Variants in TBC1D23 observed in about 807,000 individuals in gnomAD.
The protein encoded by TBC1D23 is TBC1 domain family member 23, also known as HCV non-structural protein 4A-transactivated protein 1.
A neutral mutation model predicts 91.4 loss-of-function variants in TBC1D23; 55 were observed. That is an observed-to-expected ratio of 0.60 (90% CI 0.48 to 0.75). TBC1D23 has a LOEUF of 0.75. Among genes scored for constraint, TBC1D23 ranks in the 30% least tolerant of loss-of-function variants. The pLI, the probability that TBC1D23 is intolerant of heterozygous loss-of-function variation, is 0.00. For missense variants in TBC1D23, 725 were observed against 836.1 expected (o/e 0.87, Z 1.64); for synonymous variants, 289 against 281.0 (o/e 1.03, Z -0.28).
intron 1 of TBC1D23, among the ~76,000 whole-genome samples, chr3:100,278,328 T>C (rs1261175881): frequency 1.3e-5 from 2 of 152,140 alleles, no homozygotes; most frequent in Non-Finnish European, 2.9e-5. Context: ...TAATGTATGC[T>C]GAAATCATAA....
At position 100,310,463 on chromosome 3, in the gene TBC1D23, G is replaced by A. The variant is rs1273541598; in HGVS notation, c.1474G>A (p.Val492Met). ...GMKSLVNKMT[V>M]ALKTKSVNVR... ...GAAATCACTAGTAAATAAAATGACT[G>A]TGGCTTTGAAGACAAAATCCGTTAA... Residue 492 changes from valine (V) to methionine (M), a missense_variant, in exon 14 of 19, where the codon GTG becomes ATG. By Grantham distance (21) the Val-to-Met change is conservative. Transcript: ENST00000394144. 2.5e-6 allele frequency: 4 copies of A among 1,613,368 alleles called. No individual in the cohort carries two copies. The South Asian group carries it at 3.3e-5, about 13-fold the overall frequency.
intron 1 of TBC1D23, among the ~76,000 whole-genome samples, chr3:100,278,386 ATTTT>A (rs199688288): frequency 7.1e-6 from 1 of 141,470 alleles, no homozygotes; most frequent in Non-Finnish European, 1.6e-5. Context: ...GAATTGATTG[ATTTT>A]TTTTTTTTTT....
chr3:100,300,832 A>G (rs1158027316), intron 10 of TBC1D23, among the ~76,000 whole-genome samples: 1 of 152,066 alleles, frequency 6.6e-6, no homozygotes, highest in African/African-American at 2.4e-5. Context: ...GAATATTATC[A>G]GCTTACGTAA....
chr3:100,294,731 G>A (rs1432805456), intron 5 of TBC1D23, among the ~76,000 whole-genome samples: 1 of 152,138 alleles, frequency 6.6e-6, no homozygotes, highest in Non-Finnish European at 1.5e-5. Context: ...CTCTTATGGA[G>A]CTCAGACCAT....
rs1484208507 is a variant in TBC1D23, at chr3:100,296,263, T to G, written c.864T>G (p.Ala288=). 1 of 1,596,016 alleles carries G rather than the reference T, an allele frequency of 6.3e-7. No homozygotes were observed. The highest frequency in any genetic ancestry group is 8.6e-7 in the Non-Finnish European group (1 of 1,167,596). Reference sequence around the variant, plus strand: ...AGTATTATTGCAGCAAAACACCGGCTTCTTTTAGGAAGGTATAAGACCAGA... The same window carrying G: ...AGTATTATTGCAGCAAAACACCGGCGTCTTTTAGGAAGGTATAAGACCAGA... ...LAQYYCSKTP[A]SFRKDNHHLF... The change falls in exon 8 of 19, where the codon GCT becomes GCG. Residue 288 remains alanine, a synonymous_variant. Coordinates refer to ENST00000394144, the MANE Select transcript of TBC1D23 (RefSeq NM_001199198.3).
chr3:100,320,802 A>G lies in TBC1D23; in HGVS notation c.1849A>G (p.Met617Val), dbSNP rs766166739. ...TCATCTGTTGGTTACTGCAACACAT[A>G]TGTACTGTTTAAGGGAGATTGTTTC... Reference protein sequence around the residue: ...PSHLLVTATHMYCLREIVSRK... With the variant: ...PSHLLVTATHVYCLREIVSRK... The change falls in exon 18 of 19, where the codon ATG (methionine) becomes GTG (valine). Residue 617 changes from methionine (M) to valine (V), a missense_variant. Met to Val is a conservative substitution (Grantham distance 21). Transcript: ENST00000394144. 1 of 1,595,886 alleles carries G rather than the reference A, an allele frequency of 6.3e-7. No homozygotes were observed. The highest frequency in any genetic ancestry group is 1.2e-5 in the South Asian group (1 of 86,038).
chr3:100,274,747 T>C (rs1424731242), intron 1 of TBC1D23, among the ~76,000 whole-genome samples: 3 of 148,698 alleles, frequency 2.0e-5, no homozygotes, highest in African/African-American at 7.3e-5. Context: ...TTAGGCTGTA[T>C]AATAGTCCAT....
chr3:100,285,654 A>T (rs1356059389), intron 4 of TBC1D23, among the ~76,000 whole-genome samples: 1 of 152,100 alleles, frequency 6.6e-6, no homozygotes, highest in Non-Finnish European at 1.5e-5. Flanking sequence ...GAATTGCCGG[A>T]TTTTTCCATA....
rs575216717 is a variant in TBC1D23, at chr3:100,298,112, C to T, written c.999+67C>T. On this transcript the variant is annotated intron_variant, in intron 9 of 18. Coordinates refer to ENST00000394144, the MANE Select transcript of TBC1D23 (RefSeq NM_001199198.3). Reference sequence around the variant, plus strand: ...TAAATACAAGGAACCAACTTCCTCCCTGTTCATTGATTCCCACAAAATCAA... The same window carrying T: ...TAAATACAAGGAACCAACTTCCTCCTTGTTCATTGATTCCCACAAAATCAA... 451 of 1,391,324 alleles carry T rather than the reference C, an allele frequency of 3.2e-4. 1 individual carries two copies. The African/African-American group carries it at 5.6e-3, about 17-fold the overall frequency. 86.2% of individuals were successfully genotyped at this position (1,391,324 alleles called of 1,614,324 possible).
At chr3:100,302,030 G>T in intron 10 of TBC1D23, 37 bp from the exon 11 acceptor site, 1 of 1,533,426 alleles carries the variant, frequency 6.5e-7, no homozygotes, top group Non-Finnish European at 8.8e-7. Context: ...GTGAAACACA[G>T]GCTTGTCAAG....
intron 1 of TBC1D23, among the ~76,000 whole-genome samples, chr3:100,272,906 A>G (rs937088785): frequency 5.3e-5 from 8 of 151,590 alleles, no homozygotes; most frequent in South Asian, 4.2e-4. Flanking sequence ...ATCTCAGTAG[A>G]TGGAACATAC....
chr3:100,291,723 G>T (rs1366361387), intron 5 of TBC1D23, among the ~76,000 whole-genome samples: 1 of 150,144 alleles, frequency 6.7e-6, no homozygotes, highest in African/African-American at 2.5e-5. Context: ...TAGTGGCATT[G>T]TTTTATGTTT....
At chr3:100,293,462 A>G (rs1240028356) in intron 5 of TBC1D23, among the ~76,000 whole-genome samples, 1 of 152,180 alleles carries the variant, frequency 6.6e-6, no homozygotes, top group Non-Finnish European at 1.5e-5. Flanking sequence ...TACTAGTATC[A>G]TGTTGATGAA....
At chr3:100,283,866 C>T in intron 4 of TBC1D23, 55 bp downstream of exon 4, 1 of 1,131,480 alleles carries the variant, frequency 8.8e-7, no homozygotes, top group South Asian at 1.4e-5. Flanking sequence ...GCCTGGTTTG[C>T]TTTGAGCTAA....
At chr3:100,315,842 T>C (rs1463040796) in intron 15 of TBC1D23, 1 of 475,338 alleles carries the variant, frequency 2.1e-6, no homozygotes, top group African/African-American at 1.9e-5. Context: ...GATATTGAAA[T>C]TGTTTAAAAT....
Position 100,304,804 on chromosome 3 carries a change from G to A in TBC1D23, c.1264-42G>A, listed in dbSNP as rs770357176. ...TAGAACTAGCTAAAGTTTTAATTAA[G>A]TCGCAGTTTTGGAAGAATTTAAATT... On this transcript the variant is annotated intron_variant, in intron 11 of 18. Transcript: ENST00000394144. The A allele has an allele frequency of 6.1e-6, 6 of 976,276 alleles. No homozygotes were observed. The South Asian group carries it at 6.6e-5, about 11-fold the overall frequency. The allele number at this position is 976,276 out of a possible 1,614,324, so 60.5% of individuals were successfully genotyped here. A position where few individuals can be genotyped will look rare whatever the true frequency, so the allele number is the denominator to read the frequency against.
chr3:100,299,291 C>G lies in TBC1D23; in HGVS notation c.1052C>G (p.Ala351Gly). ...TGCCGTCCTGCAGAACAATATAATG[C>G]TGGGCATTTATCAACTGCTTTCCAC... ...VDCRPAEQYNAGHLSTAFHLD... is the reference protein window; with the variant it reads ...VDCRPAEQYNGGHLSTAFHLD... Residue 351 changes from alanine to glycine, a missense_variant, in exon 10 of 19, where the codon GCT becomes GGT. By Grantham distance (60) the Ala-to-Gly change is moderately conservative (BLOSUM62 0). Coordinates refer to ENST00000394144, the MANE Select transcript of TBC1D23 (RefSeq NM_001199198.3). 6.2e-7 allele frequency: 1 copy of G among 1,612,568 alleles called. No homozygotes were observed. Among genetic ancestry groups the G allele is most frequent in the Admixed American group, 1.7e-5 (1 of 59,960 alleles).
chr3:100,285,909 G>A (rs1306635238), intron 4 of TBC1D23, among the ~76,000 whole-genome samples: 1 of 151,674 alleles, frequency 6.6e-6, no homozygotes. Flanking sequence ...AAAACATACT[G>A]GTCCCTAGAG....
intron 13 of TBC1D23, among the ~76,000 whole-genome samples, chr3:100,309,173 C>T (rs1278140298): frequency 1.3e-5 from 2 of 149,282 alleles, no homozygotes; most frequent in African/African-American, 4.9e-5. Context: ...GACTCTGTCT[C>T]AAAACAACAA....
Sources: gnomAD v4.1 joint callset for allele counts (sites outside exome capture counted in the v4.1 genomes callset) on GRCh38, gnomAD v4.1.1 for gene constraint, MANE v1.5 for transcripts, NCBI Gene and HGNC (gene_info 2026-07-23, HGNC 2026-07-21) for gene names.